The following ANK2 variants were observed in gnomAD, a reference collection of about 807,000 sequenced individuals.
ANK2 encodes ankyrin 2, also known as ankyrin-2.
A neutral mutation model predicts 360.5 loss-of-function variants in ANK2; 83 were observed. The ratio of observed to expected loss-of-function variants is 0.23; its 90% CI spans 0.19 to 0.28. ANK2 has a LOEUF of 0.28. ANK2 is among the 10% of genes least tolerant of loss of function. The pLI, the probability that ANK2 is intolerant of heterozygous loss-of-function variation, is 1.00. For missense variants in ANK2, 4,201 were observed against 4,795.7 expected (o/e 0.88, Z 3.66); for synonymous variants, 1,740 against 1,759.5 (o/e 0.99, Z 0.28).
intron 45 of ANK2, chr4:113,374,634 C>T: frequency 4.7e-6 from 2 of 427,698 alleles, no homozygotes; most frequent in Non-Finnish European, 6.5e-6. Flanking sequence ...ACTCTGCTTC[C>T]CATTGCTGTT....
At chr4:112,908,044 C>A (rs1407813855) in intron 2 of ANK2, among the ~76,000 whole-genome samples, 4 of 152,028 alleles carry the variant, frequency 2.6e-5, no homozygotes, top group Admixed American at 1.3e-4. Flanking sequence ...TATGACTTTG[C>A]CTAGGGCTGA....
chr4:113,019,781 A>T (rs1426287786), intron 2 of ANK2, among the ~76,000 whole-genome samples: 1 of 151,994 alleles, frequency 6.6e-6, no homozygotes, highest in Non-Finnish European at 1.5e-5. Context: ...TTAAAATCTG[A>T]AGAAGTCAAA....
intron 41 of ANK2, 26 bp from the exon 42 acceptor site, chr4:113,367,540 A>G (rs746202539): frequency 1.7e-5 from 28 of 1,611,556 alleles, no homozygotes; most frequent in Non-Finnish European, 2.2e-5. Flanking sequence ...AGCTTCAACT[A>G]AATACTTAAA....
At chr4:112,894,007 A>G (rs1034575184) in intron 1 of ANK2, among the ~76,000 whole-genome samples, 7 of 152,168 alleles carry the variant, frequency 4.6e-5, no homozygotes, top group Non-Finnish European at 1.0e-4. Flanking sequence ...AAAAAACAAA[A>G]CAAAACAAAA....
the ANK2 span, among the ~76,000 whole-genome samples, chr4:112,778,698 C>T: frequency 1.8e-4 from 28 of 152,236 alleles, no homozygotes; most frequent in African/African-American, 5.5e-4. Flanking sequence ...TGACAAGGGG[C>T]GCCAGCCTGC....
rs1211857888 is a variant in ANK2 at position 113,382,960 on chromosome 4, C to T, written c.*1489C>T. 6.6e-6 allele frequency: 1 copy of T among 152,560 alleles called. No homozygotes were observed. Among genetic ancestry groups the T allele is most frequent in the East Asian group, 1.9e-4 (1 of 5,192 alleles). 9.5% of individuals were successfully genotyped at this position (152,560 alleles called of 1,614,324 possible). ...GGACTGTAACAATCTGAGTAATTTC[C>T]ATGTCCTCTTCCTTATTCCTCTAGT... On this transcript the variant is annotated 3_prime_UTR_variant, in exon 46 of 46. Transcript: ENST00000357077.
intron 31 of ANK2, among the ~76,000 whole-genome samples, chr4:113,338,265 C>G (rs938118949): frequency 3.3e-5 from 5 of 152,090 alleles, no homozygotes; most frequent in Non-Finnish European, 7.4e-5. Flanking sequence ...TCCTACAGCC[C>G]TTTGAACTAA....
chr4:113,142,167 T>C (rs1048069720), intron 1 of ANK2, among the ~76,000 whole-genome samples: 1 of 152,228 alleles, frequency 6.6e-6, no homozygotes, highest in Middle Eastern at 3.2e-3. Flanking sequence ...GACTGTCTAC[T>C]GGCAGATTAT....
intron 2 of ANK2, among the ~76,000 whole-genome samples, chr4:113,021,594 T>C (rs1382381358): frequency 1.4e-5 from 2 of 139,284 alleles, no homozygotes; most frequent in African/African-American, 2.7e-5. Flanking sequence ...AGGAGCCTTA[T>C]TTTGGGGTGT....
At chr4:112,729,540 G>A in the ANK2 span, among the ~76,000 whole-genome samples, 1 of 152,034 alleles carries the variant, frequency 6.6e-6, no homozygotes, top group Admixed American at 6.6e-5. Flanking sequence ...TGGATCACCT[G>A]AGGTCAGGAG....
rs1365783011 is a variant in ANK2, at chr4:113,350,478, A to G, written c.4426+229A>G. On this transcript the variant is annotated intron_variant, in intron 37 of 45. Transcript: ENST00000357077. ...AAATGCAATGATTATTCATCTAAGC[A>G]TTCACTTTCTTTTGACATTCTTGTT... is the stretch of plus-strand genomic sequence containing the variant. 4 of 441,832 alleles carry G rather than the reference A, an allele frequency of 9.1e-6. No homozygotes were observed. The Admixed American group carries it at 1.1e-4, about 12-fold the overall frequency. 27.4% of individuals were successfully genotyped at this position (441,832 alleles called of 1,614,324 possible).
At chr4:113,085,200 T>C (rs1298175128) in intron 1 of ANK2, among the ~76,000 whole-genome samples, 2 of 152,238 alleles carry the variant, frequency 1.3e-5, no homozygotes, top group Non-Finnish European at 2.9e-5. Flanking sequence ...CGGATCAGCA[T>C]TACTGGTTTA....
At chr4:113,313,805 C>T (rs927751342) in intron 24 of ANK2, 4 of 12,836 alleles carry the variant, frequency 3.1e-4, no homozygotes, top group Non-Finnish European at 5.6e-4. Flanking sequence ...TGAGGGGGAG[C>T]GGTGGGGGAG....
chr4:113,119,051 C>T (rs941113542), intron 1 of ANK2, among the ~76,000 whole-genome samples: 1 of 152,112 alleles, frequency 6.6e-6, no homozygotes, highest in African/African-American at 2.4e-5. Context: ...ATAAAAGGTG[C>T]CAGTTGTTGT....
chr4:113,033,905 C>T (rs961955723), intron 2 of ANK2: 2 of 152,024 alleles, frequency 1.3e-5, no homozygotes, highest in Non-Finnish European at 2.9e-5. Context: ...TCTTAACTAT[C>T]TTGAACAATG....
chr4:113,346,734 A>G lies in ANK2; in HGVS notation c.4371+712A>G, dbSNP rs577391033. On this transcript the variant is annotated intron_variant, in intron 35 of 45. Coordinates refer to ENST00000357077, the MANE Select transcript of ANK2 (RefSeq NM_001148.6). ...GTTGATTAGTAAAAAACATATCGCC[A>G]TGTTTTGAGTAGATTTAAAACATTG... Among the ~76,000 whole-genome samples the G allele has an allele frequency of 3.3e-5, 5 of 152,286 alleles. No homozygotes were observed. The South Asian group carries it at 1.0e-3, about 32-fold the overall frequency.
chr4:112,987,379 A>T (rs547690766), intron 2 of ANK2, among the ~76,000 whole-genome samples: 1 of 152,286 alleles, frequency 6.6e-6, no homozygotes, highest in South Asian at 2.1e-4. Context: ...CGGGCAGGAG[A>T]CAAACAACAA....
rs533674187 is a variant in ANK2, at chr4:113,198,266, T to C, written c.286-745T>C. ...CCCCAAATATTAAGTGAGTGGCTAA[T>C]GCTCCCACAGTGAGCTGGAGACAGA... is the stretch of plus-strand genomic sequence containing the variant. On this transcript the variant is annotated intron_variant, in intron 3 of 45. Coordinates refer to ENST00000357077, the MANE Select transcript of ANK2 (RefSeq NM_001148.6). 2.0e-5 allele frequency among the ~76,000 whole-genome samples: 3 copies of C among 152,310 alleles called. No homozygotes were observed. In the South Asian group the frequency reaches 6.2e-4, roughly 32 times the overall value.
At chr4:113,329,111 TGAAA>T (rs1434456761) in intron 26 of ANK2, among the ~76,000 whole-genome samples, 2 of 152,216 alleles carry the variant, frequency 1.3e-5, no homozygotes, top group Non-Finnish European at 2.9e-5. Context: ...ATGTAATTTG[TGAAA>T]GAGAGTACAC....
Sources: allele counts gnomAD v4.1 joint callset (sites outside exome capture counted in the v4.1 genomes callset), GRCh38; gene constraint gnomAD v4.1.1; transcripts MANE v1.5; gene names NCBI Gene and HGNC (gene_info 2026-07-23, HGNC 2026-07-21).